Variants in NLGN4X observed in about 807,000 individuals in gnomAD.
The protein encoded by NLGN4X is neuroligin-4, X-linked.
In NLGN4X, 3 loss-of-function variants were observed where a neutral mutation model predicts 40.3. The observed-to-expected ratio is 0.07, with a 90% CI of 0.03 to 0.19. The LOEUF (loss-of-function observed/expected upper bound fraction) is 0.19. Ranked by LOEUF, NLGN4X falls within the 10% of genes least tolerant of loss-of-function variation. The probability of loss-of-function intolerance (pLI) is 1.00; values close to 1 mark genes in which losing one functional copy is unlikely to be tolerated. For synonymous variants in NLGN4X, 270 were observed against 306.8 expected (o/e 0.88, Z 1.25); for missense variants, 382 against 708.3 (o/e 0.54, Z 5.23).
intron 1 of NLGN4X, among the ~76,000 whole-genome samples, chrX:6,200,479 G>C (rs141135090): frequency 0.011 from 1,204 of 110,699 alleles, 20 homozygotes; most frequent in African/African-American, 0.037. Context: ...TGAGCAAGAG[G>C]CTTACTGTAT....
chrX:6,161,968 T>G (rs928458748), intron 1 of NLGN4X, among the ~76,000 whole-genome samples: 1 of 111,980 alleles, frequency 8.9e-6, no homozygotes, highest in South Asian at 3.6e-4. Flanking sequence ...CTGCTTAGGT[T>G]CAGGAATTTT....
Position 6,029,451 on chromosome X carries a change from T to C in NLGN4X, c.473-19A>G. The stretch of plus-strand genomic sequence containing the variant: ...TGAATATCTGGAAAAAAAAGCCAAG[T>C]AAGGAAACACAATAAAGAATCACAC... On this transcript the variant is annotated intron_variant, in intron 2 of 5. Coordinates refer to ENST00000381095, the MANE Select transcript of NLGN4X (RefSeq NM_181332.3). The C allele has an allele frequency of 1.7e-6, 2 of 1,200,815 alleles. No homozygotes were observed. The highest frequency in any genetic ancestry group is 1.1e-6 in the Non-Finnish European group (1 of 886,556).
Position 6,039,147 on chromosome X carries a change from A to C in NLGN4X, c.473-9715T>G, listed in dbSNP as rs760732593. Among the ~76,000 whole-genome samples, 3 of 111,272 alleles carry C rather than the reference A, an allele frequency of 2.7e-5. No homozygotes were observed. In the South Asian group the frequency reaches 1.1e-3, roughly 42 times the overall value. Reference sequence around the variant, plus strand: ...GAATCTTGAGTGGCTTTAAGATTGCATTTTTTCAAAAGAAAAAATATAATG... The same window carrying C: ...GAATCTTGAGTGGCTTTAAGATTGCCTTTTTTCAAAAGAAAAAATATAATG... On this transcript the variant is annotated intron_variant, in intron 2 of 5. Transcript: ENST00000381095.
At chrX:5,926,936 C>CTATA (rs1462033462) in intron 3 of NLGN4X, among the ~76,000 whole-genome samples, 1 of 89,962 alleles carries the variant, frequency 1.1e-5, no homozygotes, top group African/African-American at 5.0e-5. Context: ...TCTATATCTT[C>CTATA]TATCTATCTA....
At chrX:5,927,740 T>C (rs781441250) in intron 3 of NLGN4X, among the ~76,000 whole-genome samples, 3 of 112,284 alleles carry the variant, frequency 2.7e-5, no homozygotes, top group Non-Finnish European at 3.8e-5. Context: ...GGGTTTCAGC[T>C]CTAACTTCTC....
chrX:6,114,867 G>A (rs1399588364), intron 2 of NLGN4X, among the ~76,000 whole-genome samples: 1 of 111,016 alleles, frequency 9.0e-6, no homozygotes, highest in East Asian at 2.8e-4. Context: ...ACAAACCATC[G>A]GTGTCCTGCA....
At chrX:5,912,873 G>C (rs1189689555) in intron 3 of NLGN4X, among the ~76,000 whole-genome samples, 1 of 73,691 alleles carries the variant, frequency 1.4e-5, no homozygotes, top group African/African-American at 5.1e-5. Context: ...GAGCAGGAGG[G>C]AGGAAGGAAG....
At chrX:5,983,924 C>T (rs2035458852) in intron 3 of NLGN4X, among the ~76,000 whole-genome samples, 1 of 110,877 alleles carries the variant, frequency 9.0e-6, no homozygotes, top group Admixed American at 9.6e-5. Flanking sequence ...CAGAGCACAA[C>T]CTCTCCAGCC....
intron 3 of NLGN4X, among the ~76,000 whole-genome samples, chrX:5,929,762 C>G (rs2033480593): frequency 8.9e-6 from 1 of 112,259 alleles, no homozygotes; most frequent in Admixed American, 9.4e-5. Context: ...GAGTGCACTT[C>G]ATTTAATAAC....
intron 2 of NLGN4X, among the ~76,000 whole-genome samples, chrX:6,104,580 G>A (rs1264502263): frequency 8.1e-5 from 9 of 110,764 alleles, no homozygotes. Flanking sequence ...AGATGCAACG[G>A]AAACTTGGAC....
At chrX:5,904,597 G>GA (rs1293542379) in intron 4 of NLGN4X, among the ~76,000 whole-genome samples, 1 of 111,991 alleles carries the variant, frequency 8.9e-6, no homozygotes, top group Non-Finnish European at 1.9e-5. Context: ...TGAGAAACTT[G>GA]AAAAAGCATG....
intron 1 of NLGN4X, among the ~76,000 whole-genome samples, chrX:6,156,062 A>C (rs2040257005): frequency 8.9e-6 from 1 of 112,383 alleles, no homozygotes; most frequent in Non-Finnish European, 1.9e-5. Context: ...ATACAAAGGA[A>C]AATAAATTGT....
intron 2 of NLGN4X, among the ~76,000 whole-genome samples, chrX:6,115,477 A>G (rs1228152870): frequency 1.8e-5 from 2 of 111,585 alleles, no homozygotes; most frequent in Non-Finnish European, 3.8e-5. Flanking sequence ...CAGGGGCTTC[A>G]TGTCGCCTTG....
At chrX:6,067,336 G>C (rs1038778484) in intron 2 of NLGN4X, among the ~76,000 whole-genome samples, 1 of 110,451 alleles carries the variant, frequency 9.1e-6, no homozygotes. Context: ...TTTTCTTCCA[G>C]TGGTTTTCCT....
chrX:5,953,120 T>G (rs1431747948), intron 3 of NLGN4X, among the ~76,000 whole-genome samples: 1 of 110,946 alleles, frequency 9.0e-6, no homozygotes. Flanking sequence ...CCTGTAATCG[T>G]TGCACTGTGG....
At chrX:6,204,070 C>T (rs753723032) in intron 1 of NLGN4X, among the ~76,000 whole-genome samples, 18 of 112,230 alleles carry the variant, frequency 1.6e-4, no homozygotes, top group Non-Finnish European at 2.4e-4. Flanking sequence ...CTATCACTGA[C>T]GGTATCTGGC....
At chrX:6,106,336 C>T (rs188430661) in intron 2 of NLGN4X, among the ~76,000 whole-genome samples, 203 of 111,594 alleles carry the variant, frequency 1.8e-3, no homozygotes, top group African/African-American at 6.5e-3. Flanking sequence ...AAGAGCACCC[C>T]ATTTACAGAG....
intron 2 of NLGN4X, among the ~76,000 whole-genome samples, chrX:6,121,832 G>C (rs1249216833): frequency 8.9e-6 from 1 of 112,768 alleles, no homozygotes; most frequent in African/African-American, 3.2e-5. Context: ...AGGGGAGATA[G>C]AGCTTTCCAC....
intron 2 of NLGN4X, among the ~76,000 whole-genome samples, chrX:6,141,114 G>T (rs1294684741): frequency 9.0e-6 from 1 of 111,206 alleles, no homozygotes; most frequent in East Asian, 2.8e-4. Flanking sequence ...AACTCTCTGT[G>T]GCTCTCAAAT....
Sources: gnomAD v4.1 joint callset for allele counts (sites outside exome capture counted in the v4.1 genomes callset) on GRCh38, gnomAD v4.1.1 for gene constraint, MANE v1.5 for transcripts, NCBI Gene and HGNC (gene_info 2026-07-23, HGNC 2026-07-21) for gene names.